UQCC1: variants seen among roughly 807,000 people sequenced by gnomAD.
UQCC1 encodes the protein bFGF-repressed Zic-binding protein.
UQCC1 carries 38 observed loss-of-function variants against 48.0 expected under a neutral mutation model. The observed-to-expected ratio is 0.79, with a 90% CI of 0.61 to 1.04. The LOEUF is 1.04. Ranked by LOEUF, UQCC1 falls within the 50% of genes least tolerant of loss-of-function variation. The pLI, the probability that UQCC1 is intolerant of heterozygous loss-of-function variation, is 0.00. For missense variants in UQCC1, 368 were observed against 381.8 expected (o/e 0.96, Z 0.30); for synonymous variants, 111 against 129.2 (o/e 0.86, Z 0.95).
At chr20:35,369,362 T>C (rs1178378854) in intron 5 of UQCC1, among the ~76,000 whole-genome samples, 1 of 152,238 alleles carries the variant, frequency 6.6e-6, no homozygotes, top group Non-Finnish European at 1.5e-5. Flanking sequence ...GATTCTTTAG[T>C]TCAATGAAAT....
chr20:35,353,851 C>A (rs1278619036), intron 6 of UQCC1, among the ~76,000 whole-genome samples: 2 of 151,910 alleles, frequency 1.3e-5, no homozygotes, highest in African/African-American at 4.8e-5. Context: ...CAGTAGTATA[C>A]AGTAATATCT....
intron 6 of UQCC1, among the ~76,000 whole-genome samples, chr20:35,352,696 T>TC (rs2061502886): frequency 1.3e-5 from 2 of 152,194 alleles, no homozygotes; most frequent in African/African-American, 4.8e-5. Context: ...TTTTTGTTTT[T>TC]TTCAGAGACA....
intron 1 of UQCC1, chr20:35,410,075 G>C (rs1275729335): frequency 6.6e-6 from 1 of 151,800 alleles, no homozygotes; most frequent in East Asian, 1.9e-4. Flanking sequence ...CAATGTGCTG[G>C]GATTACAGGT....
intron 5 of UQCC1, among the ~76,000 whole-genome samples, chr20:35,366,920 C>T (rs2061674096): frequency 6.6e-6 from 1 of 151,858 alleles, no homozygotes; most frequent in Non-Finnish European, 1.5e-5. Flanking sequence ...ATGGCGAAAC[C>T]CCATCTCTAC....
chr20:35,355,564 T>G (rs2061537562), intron 6 of UQCC1, among the ~76,000 whole-genome samples: 1 of 152,254 alleles, frequency 6.6e-6, no homozygotes, highest in Non-Finnish European at 1.5e-5. Flanking sequence ...AGAAGTCAGC[T>G]GCCTGGAATG....
intron 2 of UQCC1, among the ~76,000 whole-genome samples, chr20:35,387,937 G>C (rs1296483669): frequency 6.6e-6 from 1 of 151,546 alleles, no homozygotes; most frequent in Non-Finnish European, 1.5e-5. Context: ...CTACATGCTT[G>C]GTGTTTTACT....
chr20:35,407,217 C>T (rs2062264854), intron 1 of UQCC1, among the ~76,000 whole-genome samples: 1 of 152,108 alleles, frequency 6.6e-6, no homozygotes, highest in Admixed American at 6.6e-5. Context: ...CACTTGAGGC[C>T]AGGAGTTTGA....
chr20:35,394,026 A>C, intron 2 of UQCC1, 66 bp downstream of exon 2: 1 of 1,489,364 alleles, frequency 6.7e-7, no homozygotes, highest in Admixed American at 1.7e-5. Context: ...GCTAATCTAT[A>C]AATACATGAC....
intron 7 of UQCC1, among the ~76,000 whole-genome samples, chr20:35,342,948 T>C (rs890827671): frequency 5.9e-5 from 9 of 152,160 alleles, no homozygotes; most frequent in African/African-American, 2.2e-4. Flanking sequence ...AAAAGCAAAT[T>C]TTTGTAAAAT....
chr20:35,356,312 T>C (rs1267720464), intron 6 of UQCC1, among the ~76,000 whole-genome samples: 1 of 152,262 alleles, frequency 6.6e-6, no homozygotes, highest in Non-Finnish European at 1.5e-5. Flanking sequence ...TGAAAACTTT[T>C]GGACACCAGA....
At chr20:35,366,635 A>G (rs1258913692) in intron 5 of UQCC1, 21 bp from the exon 6 acceptor site, 2 of 1,604,078 alleles carry the variant, frequency 1.2e-6, no homozygotes, top group Non-Finnish European at 1.7e-6. Flanking sequence ...ACAATAAGGT[A>G]TAAGTATGTG....
intron 6 of UQCC1, among the ~76,000 whole-genome samples, chr20:35,348,811 GC>G (rs1165800950): frequency 6.6e-6 from 1 of 152,078 alleles, no homozygotes; most frequent in African/African-American, 2.4e-5. Flanking sequence ...GCACCACCAC[GC>G]CCAGCTAATT....
intron 1 of UQCC1, among the ~76,000 whole-genome samples, chr20:35,397,851 CTAACAT>C (rs775881403): frequency 2.6e-5 from 4 of 152,168 alleles, no homozygotes; most frequent in Non-Finnish European, 5.9e-5. Flanking sequence ...TTCAGCTACT[CTAACAT>C]TATCTTTACA....
Position 35,377,980 on chromosome 20 carries a change from A to G in UQCC1, c.334-3724T>C, listed in dbSNP as rs1356023909. On this transcript the variant is annotated intron_variant, in intron 4 of 9. Coordinates refer to ENST00000374385, the MANE Select transcript of UQCC1 (RefSeq NM_018244.5). ...CTTGGGTGAGCCATTTTCCTGGACA[A>G]ATCTCTAAAACAAGTCTCTAAAGAC... Among the ~76,000 whole-genome samples, 8 of 152,206 alleles carry G rather than the reference A, an allele frequency of 5.3e-5. No individual in the cohort carries two copies. In the East Asian group the frequency reaches 1.5e-3, roughly 29 times the overall value.
chr20:35,384,337 C>A (rs1234811816), intron 2 of UQCC1, among the ~76,000 whole-genome samples: 1 of 152,092 alleles, frequency 6.6e-6, no homozygotes, highest in Admixed American at 6.6e-5. Context: ...CTGTTGAATA[C>A]CTGAAGAAAT....
intron 2 of UQCC1, among the ~76,000 whole-genome samples, chr20:35,387,121 C>CA (rs796238388): frequency 8.1e-5 from 12 of 147,726 alleles, no homozygotes; most frequent in East Asian, 6.0e-4. Flanking sequence ...TACCCCCCTC[C>CA]AAAAAAAAAC....
At chr20:35,409,860 C>T (rs966472451) in intron 1 of UQCC1, among the ~76,000 whole-genome samples, 60 of 152,164 alleles carry the variant, frequency 3.9e-4, no homozygotes, top group Non-Finnish European at 7.9e-4. Context: ...GGCTGGACTG[C>T]AGTGGCACAA....
At chr20:35,409,543 A>G in intron 1 of UQCC1, 1 of 173,860 alleles carries the variant, frequency 5.8e-6, no homozygotes, top group South Asian at 1.3e-4. Context: ...TTAATTTTCT[A>G]AAGTACAGGG....
intron 9 of UQCC1, chr20:35,304,541 T>C (rs143184007): frequency 3.0e-4 from 55 of 183,308 alleles, no homozygotes; most frequent in African/African-American, 1.2e-3. Flanking sequence ...AGTTCCCTTG[T>C]CTTGAGAGAG....
Sources: allele counts gnomAD v4.1 joint callset (sites outside exome capture counted in the v4.1 genomes callset), GRCh38; gene constraint gnomAD v4.1.1; transcripts MANE v1.5; gene names NCBI Gene and HGNC (gene_info 2026-07-23, HGNC 2026-07-21).